The following ARL15 variants were observed in gnomAD, a reference collection of about 807,000 sequenced individuals.
The protein encoded by ARL15 is ADP-ribosylation factor-like protein 15.
ARL15 carries 19 observed loss-of-function variants against 25.2 expected under a neutral mutation model. The ratio of observed to expected loss-of-function variants is 0.75; its 90% CI spans 0.53 to 1.10. ARL15 has a LOEUF of 1.10. Ranked by LOEUF, ARL15 falls within the 50% of genes least tolerant of loss-of-function variation. The probability of loss-of-function intolerance (pLI) is 0.00; values close to 1 mark genes in which losing one functional copy is unlikely to be tolerated. For missense variants in ARL15, 220 were observed against 246.0 expected (o/e 0.89, Z 0.71); for synonymous variants, 94 against 86.8 (o/e 1.08, Z -0.46).
In ARL15 at chr5:53,886,013, G is replaced by T. The variant is rs972765660; in HGVS notation, c.*548C>A. ...ATGGCAGGATATTCCTTCCTGATAAGGTGATTAATGAAGTTTTTGGTGCTC... is the reference window on the plus strand; with the variant it reads ...ATGGCAGGATATTCCTTCCTGATAATGTGATTAATGAAGTTTTTGGTGCTC... On this transcript the variant is annotated 3_prime_UTR_variant, in exon 5 of 5. Transcript: ENST00000504924. 1 of 151,608 alleles carries T rather than the reference G, an allele frequency of 6.6e-6. No homozygotes were observed. Among genetic ancestry groups the T allele is most frequent in the Admixed American group, 6.6e-5 (1 of 15,212 alleles). The allele number at this position is 151,608 out of a possible 1,614,324, so 9.4% of individuals were successfully genotyped here. A position where few individuals can be genotyped will look rare whatever the true frequency, so the allele number is the denominator to read the frequency against.
intron 1 of ARL15, among the ~76,000 whole-genome samples, chr5:54,220,293 T>A (rs1473584585): frequency 6.6e-6 from 1 of 152,198 alleles, no homozygotes; most frequent in Non-Finnish European, 1.5e-5. Flanking sequence ...GAACGTGATT[T>A]ATTTATCTCC....
intron 2 of ARL15, among the ~76,000 whole-genome samples, chr5:54,165,755 A>ATATATATAT (rs1561249813): frequency 2.4e-5 from 3 of 122,464 alleles, no homozygotes; most frequent in African/African-American, 9.7e-5. Flanking sequence ...TATATATATA[A>ATATATATAT]ATAGAGACAG....
intron 1 of ARL15, among the ~76,000 whole-genome samples, chr5:54,181,255 T>C (rs1291436104): frequency 2.6e-5 from 4 of 152,164 alleles, no homozygotes; most frequent in Non-Finnish European, 5.9e-5. Context: ...TACATTGTAA[T>C]GGCTTGAAGG....
intron 4 of ARL15, among the ~76,000 whole-genome samples, chr5:54,030,447 A>G (rs1051401912): frequency 6.6e-6 from 1 of 152,196 alleles, no homozygotes; most frequent in Non-Finnish European, 1.5e-5. Flanking sequence ...AAGTCTTTTC[A>G]ATTTTATGTC....
chr5:53,973,507 G>A (rs1747818163), intron 4 of ARL15, among the ~76,000 whole-genome samples: 1 of 150,558 alleles, frequency 6.6e-6, no homozygotes, highest in Non-Finnish European at 1.5e-5. Flanking sequence ...CCGGGAGGCA[G>A]AGGTTGCAGT....
intron 4 of ARL15, among the ~76,000 whole-genome samples, chr5:53,974,104 A>G (rs936650603): frequency 1.3e-5 from 2 of 152,188 alleles, no homozygotes; most frequent in East Asian, 3.9e-4. Flanking sequence ...AACAAATCCC[A>G]TGTTAACTTT....
intron 4 of ARL15, among the ~76,000 whole-genome samples, chr5:53,926,073 C>T (rs917568544): frequency 5.5e-5 from 8 of 146,718 alleles, no homozygotes. Flanking sequence ...GAAGATACAT[C>T]ATCGCAATCC....
At chr5:53,940,005 G>A (rs1479442351) in intron 4 of ARL15, among the ~76,000 whole-genome samples, 1 of 144,944 alleles carries the variant, frequency 6.9e-6, no homozygotes, top group Admixed American at 7.0e-5. Context: ...TTGAGACGGA[G>A]CCTCGCTCTG....
At chr5:54,111,761 G>A (rs1210459429) in intron 4 of ARL15, among the ~76,000 whole-genome samples, 1 of 151,922 alleles carries the variant, frequency 6.6e-6, no homozygotes, top group African/African-American at 2.4e-5. Context: ...AGATTTTTTA[G>A]AATGAATAGC....
intron 4 of ARL15, among the ~76,000 whole-genome samples, chr5:53,893,458 AT>A (rs1744782499): frequency 6.6e-6 from 1 of 152,168 alleles, no homozygotes; most frequent in Non-Finnish European, 1.5e-5. Context: ...ATACAAAAAA[AT>A]TAGCAGGGCG....
intron 4 of ARL15, among the ~76,000 whole-genome samples, chr5:53,907,488 ATTTTTTT>A (rs869174212): frequency 2.2e-3 from 40 of 17,990 alleles, no homozygotes; most frequent in Non-Finnish European, 2.6e-3. Flanking sequence ...ATATATATAT[ATTTTTTT>A]TTTTTTTTTT....
At chr5:54,123,836 T>A (rs1753164768) in intron 3 of ARL15, among the ~76,000 whole-genome samples, 1 of 152,196 alleles carries the variant, frequency 6.6e-6, no homozygotes, top group African/African-American at 2.4e-5. Context: ...TTAATTTTAA[T>A]TAACTTTAAA....
At chr5:54,291,268 C>A (rs950254031) in intron 1 of ARL15, among the ~76,000 whole-genome samples, 1 of 152,100 alleles carries the variant, frequency 6.6e-6, no homozygotes, top group Admixed American at 6.5e-5. Flanking sequence ...ACAGATAATC[C>A]TTGGTTTCCA....
At position 54,093,883 on chromosome 5, in the gene ARL15, T is replaced by C. The variant is rs562418545; in HGVS notation, c.462+19319A>G. On this transcript the variant is annotated intron_variant, in intron 4 of 4. Coordinates refer to ENST00000504924, the MANE Select transcript of ARL15 (RefSeq NM_019087.3). ...CCTGATGAATATCAAGGATCTGCTA[T>C]AAAAACAGATTCTCTTAAATATAAT... Among the ~76,000 whole-genome samples the C allele has an allele frequency of 1.3e-4, 20 of 152,348 alleles. 1 individual carries two copies. In the South Asian group the frequency reaches 3.3e-3, roughly 25 times the overall value.
chr5:54,261,915 G>A (rs1246577028), intron 1 of ARL15, among the ~76,000 whole-genome samples: 1 of 152,126 alleles, frequency 6.6e-6, no homozygotes, highest in African/African-American at 2.4e-5. Flanking sequence ...AGGATAATGT[G>A]CTAAGTTAAA....
At chr5:54,288,413 A>G (rs141918304) in intron 1 of ARL15, among the ~76,000 whole-genome samples, 94 of 152,328 alleles carry the variant, frequency 6.2e-4, no homozygotes, top group Middle Eastern at 3.4e-3. Flanking sequence ...CTTAAAGTCT[A>G]CATATAGTGG....
chr5:53,984,473 G>C (rs991864233), intron 4 of ARL15, among the ~76,000 whole-genome samples: 2 of 151,794 alleles, frequency 1.3e-5, no homozygotes, highest in Non-Finnish European at 2.9e-5. Flanking sequence ...TCAGTTCCAC[G>C]GGCTTGAGAA....
chr5:54,207,267 A>T (rs139330292), intron 1 of ARL15, among the ~76,000 whole-genome samples: 5,289 of 152,354 alleles, frequency 0.035, 106 homozygotes, highest in Non-Finnish European at 0.057. Context: ...GACTAAGAGA[A>T]TTTTAAAAAG....
intron 4 of ARL15, among the ~76,000 whole-genome samples, chr5:53,889,765 A>G (rs1744653433): frequency 6.6e-6 from 1 of 151,526 alleles, no homozygotes; most frequent in Non-Finnish European, 1.5e-5. Context: ...CAAAGACCAC[A>G]GTACAGAGAG....
Sources: allele counts gnomAD v4.1 joint callset (sites outside exome capture counted in the v4.1 genomes callset), GRCh38; gene constraint gnomAD v4.1.1; transcripts MANE v1.5; gene names NCBI Gene and HGNC (gene_info 2026-07-23, HGNC 2026-07-21).